SDAD1: variants seen among roughly 807,000 people sequenced by gnomAD.
The protein encoded by SDAD1 is SDA1 domain containing 1, also known as protein SDA1 homolog.
Under a neutral mutation model 100.3 loss-of-function variants are expected in SDAD1, and 79 were observed. The ratio of observed to expected loss-of-function variants is 0.79; its 90% CI spans 0.66 to 0.95. SDAD1 has a LOEUF of 0.95. Ranked by LOEUF, SDAD1 falls within the 40% of genes least tolerant of loss-of-function variation. The pLI, the probability that SDAD1 is intolerant of heterozygous loss-of-function variation, is 0.00. For missense variants in SDAD1, 790 were observed against 810.9 expected, an observed-to-expected ratio of 0.97 and a Z score of 0.31; for synonymous variants, 267 against 271.4, an observed-to-expected ratio of 0.98 and a Z score of 0.16.
rs559523967 is a variant in SDAD1 at position 75,963,107 on chromosome 4, A to G, written c.1181+1028T>C. The stretch of plus-strand genomic sequence containing the variant: ...AAGGGATCCAGTTTCAGCTTTCTGC[A>G]TATGCTAGCCAGTTTTCCCAGCACC... On this transcript the variant is annotated intron_variant, in intron 14 of 21. Transcript: ENST00000356260. 2.6e-5 allele frequency among the ~76,000 whole-genome samples: 4 copies of G among 152,286 alleles called. No homozygotes were observed. The South Asian group carries it at 8.3e-4, about 32-fold the overall frequency.
At chr4:75,959,884 A>G (rs897057273) in intron 17 of SDAD1, among the ~76,000 whole-genome samples, 182 bp downstream of exon 17, 1 of 152,220 alleles carries the variant, frequency 6.6e-6, no homozygotes, top group African/African-American at 2.4e-5. Flanking sequence ...ATGCTAGAAC[A>G]TAAGTTCCGC....
chr4:75,957,139 G>A (rs1006740060), intron 20 of SDAD1, among the ~76,000 whole-genome samples, 186 bp downstream of exon 20: 9 of 152,096 alleles, frequency 5.9e-5, no homozygotes, highest in African/African-American at 2.2e-4. Context: ...ACTAACAAAA[G>A]CAAACCCAAA....
At position 75,990,876 on chromosome 4, in the gene SDAD1, T is replaced by TA. The variant is rs769796073; in HGVS notation, c.-36dup. 18 of 1,613,618 alleles carry TA rather than the reference T, an allele frequency of 1.1e-5. No homozygotes were observed. The highest frequency in any genetic ancestry group is 5.5e-5 in the South Asian group (5 of 91,064). Reference sequence around the variant, plus strand: ...AGACAGACTTCGCGGCGAGCAGTTTTAAAAAAACTCAGACGGCCGGCACCC... The same window carrying TA: ...AGACAGACTTCGCGGCGAGCAGTTTTAAAAAAAACTCAGACGGCCGGCACCC... On this transcript the variant is annotated 5_prime_UTR_variant, in exon 1 of 22. Coordinates refer to ENST00000356260, the MANE Select transcript of SDAD1 (RefSeq NM_018115.4).
At chr4:75,968,619 G>A (rs1729685230) in intron 11 of SDAD1, among the ~76,000 whole-genome samples, 1 of 152,122 alleles carries the variant, frequency 6.6e-6, no homozygotes, top group African/African-American at 2.4e-5. Context: ...GGATCTGGAA[G>A]TCAGGAAAGC....
intron 13 of SDAD1, among the ~76,000 whole-genome samples, chr4:75,965,397 C>G (rs1463430839): frequency 6.6e-6 from 1 of 152,160 alleles, no homozygotes; most frequent in East Asian, 1.9e-4. Flanking sequence ...CGCCCTGGTC[C>G]TGTGATCTCG....
At chr4:75,968,311 A>G (rs183366473) in intron 11 of SDAD1, among the ~76,000 whole-genome samples, 99 of 152,362 alleles carry the variant, frequency 6.5e-4, no homozygotes, top group Non-Finnish European at 1.2e-3. Context: ...GAAAGGGAAC[A>G]ATTACTTTCA....
rs1023481831 is a variant in SDAD1, at chr4:75,950,511, C to CT, written c.*238dup. On this transcript the variant is annotated 3_prime_UTR_variant, in exon 22 of 22. Coordinates refer to ENST00000356260, the MANE Select transcript of SDAD1 (RefSeq NM_018115.4). ...ACAATGAATAGGCACTCAATACATA[C>CT]TTTTTTTTGCATGAATGATAAATGA... 37 of 441,306 alleles carry CT rather than the reference C, an allele frequency of 8.4e-5. No individual in the cohort carries two copies. The highest frequency in any genetic ancestry group is 2.5e-4 in the African/African-American group (13 of 51,578). The allele number at this position is 441,306 out of a possible 1,614,324, so 27.3% of individuals were successfully genotyped here.
At chr4:75,967,970 G>A (rs961813899) in intron 11 of SDAD1, among the ~76,000 whole-genome samples, 9 of 152,254 alleles carry the variant, frequency 5.9e-5, no homozygotes, top group African/African-American at 2.2e-4. Context: ...AAATAAACTG[G>A]TCTTTTTCAA....
intron 21 of SDAD1, among the ~76,000 whole-genome samples, chr4:75,953,604 G>C (rs1290112703): frequency 6.6e-6 from 1 of 152,212 alleles, no homozygotes; most frequent in East Asian, 1.9e-4. Flanking sequence ...TTTAGAACTA[G>C]AAAGAGTCAA....
Position 75,969,381 on chromosome 4 carries a change from A to G in SDAD1, c.902T>C (p.Leu301Pro). The part of the protein sequence containing the change: ...HDPQDFAEKL[L>P]KQLECCKERF... ...CTCCTTACAGCACTCAAGCTGCTTT[A>G]GTAGTTTTTCCGCAAAATCTGGCAA... The change falls in exon 11 of 22, where the codon CTA becomes CCA. Residue 301 changes from leucine (L) to proline (P), a missense_variant. Leu to Pro is a moderately conservative substitution (Grantham distance 98). Transcript: ENST00000356260. The G allele has an allele frequency of 6.2e-7, 1 of 1,613,510 alleles. No individual in the cohort carries two copies. The highest frequency in any genetic ancestry group is 8.5e-7 in the Non-Finnish European group (1 of 1,179,660).
intron 3 of SDAD1, among the ~76,000 whole-genome samples, chr4:75,979,172 TTGAC>T (rs895773057): frequency 6.6e-6 from 1 of 151,950 alleles, no homozygotes; most frequent in African/African-American, 2.4e-5. Flanking sequence ...TTTTATTGAT[TTGAC>T]TAAGTAGGTA....
rs141450388 is a variant in SDAD1 at position 75,960,181 on chromosome 4, T to C, written c.1368A>G (p.Thr456=). ...GTACTCTTGCTTCTATGGAGGCCTCTGTAGGCTTACCCTAAAGGAAAAGAA... is the reference window on the plus strand; with the variant it reads ...GTACTCTTGCTTCTATGGAGGCCTCCGTAGGCTTACCCTAAAGGAAAAGAA... The part of the protein sequence containing the change: ...MLQKKFRGKP[T]EASIEARVQE... The change falls in exon 17 of 22, where the codon ACA becomes ACG. Residue 456 remains threonine, a synonymous_variant. Transcript: ENST00000356260. 106 of 1,592,822 alleles carry C rather than the reference T, an allele frequency of 6.7e-5. No homozygotes were observed. In the African/African-American group the frequency reaches 1.3e-3, roughly 20 times the overall value.
intron 8 of SDAD1, 120 bp from the exon 9 acceptor site, chr4:75,971,578 T>A: frequency 1.3e-6 from 1 of 747,184 alleles, no homozygotes; most frequent in Non-Finnish European, 2.2e-6. Context: ...TAAAAATGAA[T>A]ACTACTTTTA....
intron 6 of SDAD1, among the ~76,000 whole-genome samples, chr4:75,975,231 T>TA (rs1330621670): frequency 1.3e-5 from 2 of 152,058 alleles, no homozygotes; most frequent in Non-Finnish European, 2.9e-5. Context: ...ACTTTTATAG[T>TA]AAAAAAATGT....
chr4:75,989,874 G>A (rs1400689111), intron 1 of SDAD1, among the ~76,000 whole-genome samples: 1 of 152,154 alleles, frequency 6.6e-6, no homozygotes, highest in African/African-American at 2.4e-5. Flanking sequence ...AAAATTTAGG[G>A]GAGGAGGGAA....
chr4:75,954,826 T>C (rs949947200), intron 21 of SDAD1, among the ~76,000 whole-genome samples: 4 of 152,112 alleles, frequency 2.6e-5, no homozygotes, highest in Admixed American at 2.6e-4. Flanking sequence ...TTCATAGCTC[T>C]GGGAATGGAA....
Position 75,975,730 on chromosome 4 carries a change from T to C in SDAD1, c.578+14A>G. ...AAGAGTCTACTTCTCAAGAGACAAA[T>C]ATATATACACTACCAGATGTTCCTT... On this transcript the variant is annotated intron_variant, in intron 6 of 21. Coordinates refer to ENST00000356260, the MANE Select transcript of SDAD1 (RefSeq NM_018115.4). 1 of 1,572,758 alleles carries C rather than the reference T, an allele frequency of 6.4e-7. No homozygotes were observed. Among genetic ancestry groups the C allele is most frequent in the Non-Finnish European group, 8.7e-7 (1 of 1,143,202 alleles).
chr4:75,990,940 G>T lies in SDAD1; in HGVS notation c.-99C>A. On this transcript the variant is annotated 5_prime_UTR_variant, in exon 1 of 22. Coordinates refer to ENST00000356260, the MANE Select transcript of SDAD1 (RefSeq NM_018115.4). Reference sequence around the variant, plus strand: ...AGCTGCAGCTTGGACTCGTGTTTCCGGGTATGACCGGAAATAGCGCATGGG... The same window carrying T: ...AGCTGCAGCTTGGACTCGTGTTTCCTGGTATGACCGGAAATAGCGCATGGG... The T allele has an allele frequency of 7.0e-7, 1 of 1,425,070 alleles. No individual in the cohort carries two copies. The highest frequency in any genetic ancestry group is 1.4e-5 in the African/African-American group (1 of 71,186). The allele number at this position is 1,425,070 out of a possible 1,614,324, so 88.3% of individuals were successfully genotyped here.
intron 20 of SDAD1, 109 bp downstream of exon 20, chr4:75,957,216 T>C (rs1728947306): frequency 1.2e-6 from 1 of 821,830 alleles, no homozygotes; most frequent in East Asian, 2.6e-5. Flanking sequence ...ATTATACCTT[T>C]ATTTAAAACA....
Sources: allele counts gnomAD v4.1 joint callset (sites outside exome capture counted in the v4.1 genomes callset), GRCh38; gene constraint gnomAD v4.1.1; transcripts MANE v1.5; gene names NCBI Gene and HGNC (gene_info 2026-07-23, HGNC 2026-07-21).